The following FHIP1A variants were observed in gnomAD, a reference collection of about 807,000 sequenced individuals.
FHIP1A encodes FHF complex subunit HOOK interacting protein 1A, also known as FHF complex subunit HOOK-interacting protein 1A.
A neutral mutation model predicts 88.6 loss-of-function variants in FHIP1A; 61 were observed. The ratio of observed to expected loss-of-function variants is 0.69; its 90% CI spans 0.56 to 0.85. The LOEUF is 0.85. Among genes scored for constraint, FHIP1A ranks in the 40% least tolerant of loss-of-function variants. The pLI is 0.00. For synonymous variants in FHIP1A, 478 were observed against 496.0 expected, an observed-to-expected ratio of 0.96 and a Z score of 0.48; for missense variants, 1,154 against 1,273.5, an observed-to-expected ratio of 0.91 and a Z score of 1.43.
At chr4:151,533,688 G>A (rs1731966374) in intron 3 of FHIP1A, among the ~76,000 whole-genome samples, 1 of 152,154 alleles carries the variant, frequency 6.6e-6, no homozygotes, top group South Asian at 2.1e-4. Flanking sequence ...AGGTTATTAG[G>A]GAAAGCCCAT....
chr4:151,605,702 C>G (rs1735047186), intron 7 of FHIP1A, among the ~76,000 whole-genome samples: 1 of 152,212 alleles, frequency 6.6e-6, no homozygotes, highest in South Asian at 2.1e-4. Context: ...AGCTTGTCTT[C>G]CAAACATGCA....
At chr4:151,463,444 G>A (rs1012482875) in intron 2 of FHIP1A, among the ~76,000 whole-genome samples, 6 of 152,198 alleles carry the variant, frequency 3.9e-5, no homozygotes, top group East Asian at 3.8e-4. Context: ...CACCTTGATC[G>A]TCACAGACAA....
intron 3 of FHIP1A, among the ~76,000 whole-genome samples, chr4:151,482,923 A>G (rs1729951456): frequency 6.6e-6 from 1 of 152,154 alleles, no homozygotes; most frequent in South Asian, 2.1e-4. Flanking sequence ...GGATATACTT[A>G]GGAAATAGTC....
chr4:151,432,053 A>G (rs1733612858), intron 1 of FHIP1A, among the ~76,000 whole-genome samples: 2 of 152,200 alleles, frequency 1.3e-5, no homozygotes, highest in African/African-American at 4.8e-5. Flanking sequence ...CATAAGAAAT[A>G]ATGCAACTCC....
chr4:151,579,181 T>C (rs1733930458), intron 5 of FHIP1A, among the ~76,000 whole-genome samples: 1 of 152,174 alleles, frequency 6.6e-6, no homozygotes, highest in East Asian at 1.9e-4. Flanking sequence ...TGGGTACATG[T>C]CAATATACAT....
rs114114433 is a variant in FHIP1A at position 151,459,756 on chromosome 4, G to C, written c.-248+4948G>C. ...TTATTTACCTTCAGTGTTGGTTTGC[G>C]ACAGAAGCAAGAAACCAGAACAGTG... On this transcript the variant is annotated intron_variant, in intron 2 of 13. Transcript: ENST00000435205. Among the ~76,000 whole-genome samples, 958 of 152,234 alleles carry C rather than the reference G, an allele frequency of 6.3e-3. 6 individuals are homozygous for C. The highest frequency in any genetic ancestry group is 0.012 in the Non-Finnish European group (796 of 68,008).
rs191264064 is a variant in FHIP1A, at chr4:151,629,875, G to A, written c.1146+6G>A. On this transcript the variant is annotated splice_donor_region_variant and intron_variant, in intron 8 of 13. Transcript: ENST00000435205. Reference sequence around the variant, plus strand: ...GAATCAACACCCCGTTTCGGGTAAGGAGAGCGCCAGAGGAAGGGAACTTAC... The same window carrying A: ...GAATCAACACCCCGTTTCGGGTAAGAAGAGCGCCAGAGGAAGGGAACTTAC... 9.7e-6 allele frequency: 15 copies of A among 1,549,686 alleles called. No homozygotes were observed. In the African/African-American group the frequency reaches 1.6e-4, roughly 17 times the overall value.
At chr4:151,567,313 C>A (rs529930989) in intron 4 of FHIP1A, among the ~76,000 whole-genome samples, 1 of 152,202 alleles carries the variant, frequency 6.6e-6, no homozygotes, top group East Asian at 1.9e-4. Context: ...AAACAGCACA[C>A]TGGTTAAAGC....
At chr4:151,576,746 T>G (rs1211597808) in intron 4 of FHIP1A, 1 of 152,230 alleles carries the variant, frequency 6.6e-6, no homozygotes, top group Non-Finnish European at 1.5e-5. Context: ...GTATGTCTCT[T>G]GTTTATCAGT....
intron 3 of FHIP1A, among the ~76,000 whole-genome samples, chr4:151,546,454 C>G (rs1732507627): frequency 6.6e-6 from 1 of 152,214 alleles, no homozygotes; most frequent in Non-Finnish European, 1.5e-5. Flanking sequence ...GGTAAATACT[C>G]TCTCGTCTAT....
intron 9 of FHIP1A, among the ~76,000 whole-genome samples, chr4:151,639,932 C>T (rs1305033880): frequency 6.6e-6 from 1 of 152,116 alleles, no homozygotes; most frequent in Non-Finnish European, 1.5e-5. Flanking sequence ...CTGGTCTTCC[C>T]CTAGTCCACA....
intron 3 of FHIP1A, among the ~76,000 whole-genome samples, chr4:151,532,589 T>C (rs1394859165): frequency 6.6e-6 from 1 of 152,174 alleles, no homozygotes; most frequent in Non-Finnish European, 1.5e-5. Flanking sequence ...TTCTAACTCC[T>C]GAATCAGATC....
rs550480405 is a variant in FHIP1A at position 151,599,671 on chromosome 4, T to C, written c.978+10745T>C. Among the ~76,000 whole-genome samples the C allele has an allele frequency of 2.0e-5, 3 of 152,288 alleles. No homozygotes were observed. The East Asian group carries it at 5.8e-4, about 29-fold the overall frequency. ...CTGGCTGGGAACAACCTGTAGGAAG[T>C]GTAGCCTCAGAGCAAATGTGGAGAA... On this transcript the variant is annotated intron_variant, in intron 7 of 13. Transcript: ENST00000435205.
chr4:151,512,921 G>C (rs1375828010), intron 3 of FHIP1A, among the ~76,000 whole-genome samples: 2 of 152,156 alleles, frequency 1.3e-5, no homozygotes, highest in African/African-American at 4.8e-5. Context: ...AGCAAGGCAG[G>C]CCAACATTCA....
At chr4:151,531,970 C>T (rs1318539942) in intron 3 of FHIP1A, among the ~76,000 whole-genome samples, 2 of 152,080 alleles carry the variant, frequency 1.3e-5, no homozygotes, top group East Asian at 3.9e-4. Context: ...AAGAAAGTTA[C>T]AAAATAAAAA....
intron 2 of FHIP1A, among the ~76,000 whole-genome samples, chr4:151,474,974 A>T (rs1381093023): frequency 2.0e-5 from 3 of 152,202 alleles, no homozygotes; most frequent in Non-Finnish European, 4.4e-5. Context: ...TTTAGAATTC[A>T]TAAGATTATA....
At chr4:151,420,890 C>A (rs1306797159) in intron 1 of FHIP1A, among the ~76,000 whole-genome samples, 2 of 152,242 alleles carry the variant, frequency 1.3e-5, no homozygotes, top group Admixed American at 6.5e-5. Context: ...CCCACAGGAC[C>A]CAGAGCTCTC....
chr4:151,544,537 A>G (rs1732412964), intron 3 of FHIP1A, among the ~76,000 whole-genome samples: 1 of 152,152 alleles, frequency 6.6e-6, no homozygotes, highest in Non-Finnish European at 1.5e-5. Flanking sequence ...TTTAAGATCA[A>G]CTGGAGGGAG....
At chr4:151,549,180 G>A (rs530851135) in intron 3 of FHIP1A, among the ~76,000 whole-genome samples, 1 of 152,280 alleles carries the variant, frequency 6.6e-6, no homozygotes. Context: ...AGGTGACTGG[G>A]ATGAGTCAGG....
Sources: allele counts gnomAD v4.1 joint callset (sites outside exome capture counted in the v4.1 genomes callset), GRCh38; gene constraint gnomAD v4.1.1; transcripts MANE v1.5; gene names NCBI Gene and HGNC (gene_info 2026-07-23, HGNC 2026-07-21).